BCOR: variants seen among roughly 807,000 people sequenced by gnomAD.
The protein encoded by BCOR is BCL6 corepressor.
BCOR carries 10 observed loss-of-function variants against 86.7 expected under a neutral mutation model. The ratio of observed to expected loss-of-function variants is 0.12; its 90% CI spans 0.07 to 0.20. The LOEUF (loss-of-function observed/expected upper bound fraction) is 0.20. BCOR is among the 10% of genes least tolerant of loss of function. The probability of loss-of-function intolerance (pLI) is 1.00; values close to 1 mark genes in which losing one functional copy is unlikely to be tolerated. For synonymous variants in BCOR, 611 were observed against 609.0 expected (o/e 1.00, Z -0.05); for missense variants, 1,259 against 1,452.1 (o/e 0.87, Z 2.16).
At chrX:40,058,090 CA>C (rs1934689171) in intron 10 of BCOR, among the ~76,000 whole-genome samples, 1 of 112,450 alleles carries the variant, frequency 8.9e-6, no homozygotes, top group African/African-American at 3.2e-5. Context: ...CCACATACCA[CA>C]ACCTACGCAT....
chrX:40,125,419 A>G (rs925049925), intron 1 of BCOR, among the ~76,000 whole-genome samples: 1 of 111,482 alleles, frequency 9.0e-6, no homozygotes, highest in African/African-American at 3.3e-5. Context: ...TTTTTACTAG[A>G]GACGGGGTTT....
chrX:40,057,376 G>A, intron 10 of BCOR, 55 bp from the exon 11 acceptor site: 2 of 1,124,826 alleles, frequency 1.8e-6, no homozygotes, highest in Non-Finnish European at 2.4e-6. Flanking sequence ...GACCTTGTAA[G>A]GTGGACCTCT....
At position 40,077,868 on chromosome X, in the gene BCOR, C is replaced by T. The variant is rs778129253; in HGVS notation, c.62G>A (p.Arg21His). 11 of 1,210,712 alleles carry T rather than the reference C, an allele frequency of 9.1e-6. No individual in the cohort carries two copies. Among genetic ancestry groups the T allele is most frequent in the African/African-American group, 7.0e-5 (4 of 57,473 alleles). Residue 21 changes from arginine to histidine, a missense_variant, in exon 2 of 15, where the codon CGC (arginine) becomes CAC (histidine). Coordinates refer to ENST00000378444, the MANE Select transcript of BCOR (RefSeq NM_001123385.2). Reference protein sequence around the residue: ...VHSWMNSERVRMCGASEDRKI... With the variant: ...VHSWMNSERVHMCGASEDRKI... The stretch of plus-strand genomic sequence containing the variant: ...CCTGTCTTCGCTCGCCCCACACATG[C>T]GGACCCTCTCGCTGTTCATCCAGCT...
chrX:40,098,806 A>C (rs939251153), upstream of BCOR, among the ~76,000 whole-genome samples: 6 of 111,428 alleles, frequency 5.4e-5, no homozygotes, highest in Admixed American at 5.6e-4. Context: ...TTCCGCCTGA[A>C]CTCCGCGCCC....
intron 1 of BCOR, among the ~76,000 whole-genome samples, chrX:40,171,086 T>C (rs1938610266): frequency 8.9e-6 from 1 of 112,263 alleles, no homozygotes; most frequent in Non-Finnish European, 1.9e-5. Context: ...TCTTCCTCAC[T>C]GAACTGGAGC....
At chrX:40,070,838 G>A (rs997274541) in intron 6 of BCOR, 135 bp downstream of exon 6, 25 of 589,034 alleles carry the variant, frequency 4.2e-5, no homozygotes, top group African/African-American at 1.6e-4. Context: ...TTTCACAGAC[G>A]CCTCGTTCCT....
chrX:40,062,490 A>G (rs1367693467), intron 9 of BCOR, 97 bp from the exon 10 acceptor site: 1 of 1,055,919 alleles, frequency 9.5e-7, no homozygotes, highest in Non-Finnish European at 1.3e-6. Flanking sequence ...CTGCGTGGAG[A>G]GAGGCACTTT....
chrX:40,135,459 C>T (rs917806376), intron 1 of BCOR, among the ~76,000 whole-genome samples: 3 of 109,253 alleles, frequency 2.7e-5, no homozygotes, highest in Non-Finnish European at 3.8e-5. Context: ...ACACAATACT[C>T]GGCTCACTGC....
intron 1 of BCOR, among the ~76,000 whole-genome samples, chrX:40,160,659 C>CTTTT (rs145716696): frequency 1.8e-4 from 15 of 81,280 alleles, no homozygotes; most frequent in East Asian, 3.8e-4. Flanking sequence ...TGATCCTCTA[C>CTTTT]TTTTTTTTTT....
At chrX:40,163,360 A>G (rs2148015001) in intron 1 of BCOR, among the ~76,000 whole-genome samples, 1 of 111,169 alleles carries the variant, frequency 9.0e-6, no homozygotes, top group South Asian at 3.8e-4. Context: ...AGCTGTCTTG[A>G]TATATTTTCT....
intron 1 of BCOR, chrX:40,146,706 G>T (rs1316164732): frequency 8.9e-6 from 1 of 112,195 alleles, no homozygotes; most frequent in Non-Finnish European, 1.9e-5. Flanking sequence ...GCCCGCCCCC[G>T]TGGCCTCCCT....
rs375830184 is a variant in BCOR, at chrX:40,057,190, G to A, written c.4560C>T (p.Gly1520=). The A allele has an allele frequency of 5.5e-5, 67 of 1,210,291 alleles. No individual in the cohort carries two copies. Among genetic ancestry groups the A allele is most frequent in the Admixed American group, 8.7e-5 (4 of 45,863 alleles). The change falls in exon 11 of 15, where the codon GGC becomes GGT. Residue 1520 remains glycine (G), a synonymous_variant. Coordinates refer to ENST00000378444, the MANE Select transcript of BCOR (RefSeq NM_001123385.2). ...LNIVRHLLEY[G]ADVNCSAQDG... is the part of the protein sequence containing the mutation. ...CCTGGGCACTACAGTTGACATCAGCGCCATATTCAAGGAGGTGTCGCACAA... is the reference window on the plus strand; with the variant it reads ...CCTGGGCACTACAGTTGACATCAGCACCATATTCAAGGAGGTGTCGCACAA...
At position 40,055,381 on chromosome X, in the gene BCOR, T is replaced by C; in HGVS notation, c.4728A>G (p.Glu1576=). ...ACTTTGTCATACCTGTTAAGAACTTTTCCATAAGTTCACTGTGGGTCATTT... is the reference window on the plus strand; with the variant it reads ...ACTTTGTCATACCTGTTAAGAACTTCTCCATAAGTTCACTGTGGGTCATTT... ...IMKMTHSELM[E]KFLTDYLNDL... The change falls in exon 12 of 15, where the codon GAA becomes GAG. Residue 1576 remains glutamate, a synonymous_variant. Coordinates refer to ENST00000378444, the MANE Select transcript of BCOR (RefSeq NM_001123385.2). 1 of 1,210,851 alleles carries C rather than the reference T, an allele frequency of 8.3e-7. No homozygotes were observed. Among genetic ancestry groups the C allele is most frequent in the Non-Finnish European group, 1.1e-6 (1 of 894,550 alleles).
intron 1 of BCOR, among the ~76,000 whole-genome samples, chrX:40,123,891 C>T (rs1485663915): frequency 1.8e-5 from 2 of 110,696 alleles, no homozygotes; most frequent in African/African-American, 6.6e-5. Context: ...TACCATTCCA[C>T]CAATCCATAG....
At chrX:40,172,506 G>A (rs1472602155) in intron 1 of BCOR, among the ~76,000 whole-genome samples, 4 of 113,578 alleles carry the variant, frequency 3.5e-5, no homozygotes, top group African/African-American at 9.6e-5. Context: ...GGAGGAGGAA[G>A]GAAAAGCGGA....
At chrX:40,161,728 T>C (rs1251131108) in intron 1 of BCOR, among the ~76,000 whole-genome samples, 6 of 108,625 alleles carry the variant, frequency 5.5e-5, no homozygotes, top group Non-Finnish European at 1.1e-4. Context: ...TTAGCCTGGA[T>C]GGTCTGGATC....
At chrX:40,148,959 T>C (rs939353832) in intron 1 of BCOR, among the ~76,000 whole-genome samples, 1 of 111,050 alleles carries the variant, frequency 9.0e-6, no homozygotes, top group African/African-American at 3.3e-5. Context: ...CGGACAGGAA[T>C]GCACAGTCCA....
chrX:40,078,828 C>T (rs1188876023), intron 1 of BCOR, among the ~76,000 whole-genome samples: 1 of 109,372 alleles, frequency 9.1e-6, no homozygotes, highest in Non-Finnish European at 1.9e-5. Flanking sequence ...CCACCCACCC[C>T]CCTTTACCTC....
intron 1 of BCOR, among the ~76,000 whole-genome samples, chrX:40,172,963 T>C (rs1416278782): frequency 8.9e-6 from 1 of 112,897 alleles, no homozygotes; most frequent in Non-Finnish European, 1.9e-5. Flanking sequence ...GGGGGGCCTT[T>C]GCATTGCCTT....
Sources: allele counts gnomAD v4.1 joint callset (sites outside exome capture counted in the v4.1 genomes callset), GRCh38; gene constraint gnomAD v4.1.1; transcripts MANE v1.5; gene names NCBI Gene and HGNC (gene_info 2026-07-23, HGNC 2026-07-21).